Variants in NLRP5 observed in about 807,000 individuals in gnomAD.
NLRP5 encodes the protein NACHT, LRR and PYD domains-containing protein 5.
A neutral mutation model predicts 113.1 loss-of-function variants in NLRP5; 93 were observed. The observed-to-expected ratio is 0.82, with a 90% CI of 0.70 to 0.98. The LOEUF is 0.98. Among genes scored for constraint, NLRP5 ranks in the 50% least tolerant of loss-of-function variants. NLRP5 has a pLI of 0.00. For missense variants in NLRP5, 1,808 were observed against 1,514.3 expected, an observed-to-expected ratio of 1.19 and a Z score of -3.22; for synonymous variants, 751 against 600.7, an observed-to-expected ratio of 1.25 and a Z score of -3.66.
At chr19:56,050,700 G>A in intron 12 of NLRP5, 112 bp downstream of exon 12, 1 of 1,015,068 alleles carries the variant, frequency 9.9e-7, no homozygotes, top group Non-Finnish European at 1.4e-6. Flanking sequence ...TTCAGGGTGA[G>A]CTGACACTCA....
intron 12 of NLRP5, among the ~76,000 whole-genome samples, chr19:56,052,188 G>GC (rs1405152212): frequency 6.6e-6 from 1 of 152,008 alleles, no homozygotes; most frequent in East Asian, 1.9e-4. Flanking sequence ...TTTTTGCTTT[G>GC]CTTTGTTTTG....
chr19:56,038,087 C>A lies in NLRP5; in HGVS notation c.2678C>A (p.Ser893Tyr), dbSNP rs775635280. The change falls in exon 10 of 15, where the codon TCC becomes TAC. Residue 893 changes from serine (S) to tyrosine (Y), a missense_variant. Physicochemically the swap from Ser to Tyr is moderately radical, Grantham distance 144. Transcript: ENST00000390649. ...AAGATCTCCCAAATCCTTACGACCT[C>A]CCCCAGCCTGAAATCTCTGAGCCTG... 1 of 1,613,800 alleles carries A rather than the reference C, an allele frequency of 6.2e-7. No homozygotes were observed. The highest frequency in any genetic ancestry group is 1.3e-5 in the African/African-American group (1 of 74,926).
At chr19:56,043,539 A>ATTTTTT (rs1568498691) in intron 11 of NLRP5, among the ~76,000 whole-genome samples, 1 of 27,032 alleles carries the variant, frequency 3.7e-5, no homozygotes, top group South Asian at 1.1e-3. Flanking sequence ...TTACTCTGCT[A>ATTTTTT]TTCTTTTTTT....
intron 6 of NLRP5, among the ~76,000 whole-genome samples, chr19:56,021,547 A>G (rs1248819707): frequency 6.6e-6 from 1 of 152,182 alleles, no homozygotes; most frequent in Non-Finnish European, 1.5e-5. Flanking sequence ...CTCCGATTCC[A>G]GATCGGTCAT....
intron 13 of NLRP5, among the ~76,000 whole-genome samples, chr19:56,057,617 G>A (rs1392341457): frequency 1.3e-5 from 2 of 152,086 alleles, no homozygotes; most frequent in African/African-American, 4.8e-5. Flanking sequence ...ATGTTTCCTT[G>A]CTACAGGCAC....
chr19:56,060,421 A>G (rs1568506826), intron 14 of NLRP5, among the ~76,000 whole-genome samples: 1 of 152,216 alleles, frequency 6.6e-6, no homozygotes, highest in Non-Finnish European at 1.5e-5. Flanking sequence ...AAGCAAAACG[A>G]CATATAATGA....
At chr19:56,038,784 C>G (rs1983412344) in intron 10 of NLRP5, among the ~76,000 whole-genome samples, 1 of 152,176 alleles carries the variant, frequency 6.6e-6, no homozygotes, top group Admixed American at 6.5e-5. Flanking sequence ...CAGGGGGCAG[C>G]AGTTCTGCAC....
At chr19:56,016,327 A>G (rs748830208) in intron 4 of NLRP5, among the ~76,000 whole-genome samples, 13 of 151,844 alleles carry the variant, frequency 8.6e-5, no homozygotes, top group Non-Finnish European at 1.6e-4. Context: ...CTAATTTTGT[A>G]TTTTTAGTAG....
chr19:56,020,249 C>T, intron 5 of NLRP5, 126 bp from the exon 6 acceptor site: 4 of 1,082,318 alleles, frequency 3.7e-6, no homozygotes, highest in Non-Finnish European at 4.1e-6. Flanking sequence ...TCTAGTTGAG[C>T]CGGTGGTTGT....
At chr19:56,012,956 A>G (rs1373231311) in intron 3 of NLRP5, among the ~76,000 whole-genome samples, 1 of 152,130 alleles carries the variant, frequency 6.6e-6, no homozygotes, top group Admixed American at 6.6e-5. Context: ...AATACAATTC[A>G]GTGTTTTATT....
At chr19:56,026,830 C>T (rs1410186845) in intron 6 of NLRP5, 83 bp from the exon 7 acceptor site, 6 of 1,416,208 alleles carry the variant, frequency 4.2e-6, no homozygotes, top group Admixed American at 2.2e-5. Flanking sequence ...CCCATCTTGA[C>T]CTCCCACAGT....
Position 56,040,998 on chromosome 19 carries a change from C to G in NLRP5, c.2863C>G (p.His955Asp). 2 of 1,613,988 alleles carry G rather than the reference C, an allele frequency of 1.2e-6. No homozygotes were observed. The highest frequency in any genetic ancestry group is 2.2e-5 in the South Asian group (2 of 91,090). Residue 955 changes from histidine (H) to aspartate (D), a missense_variant, in exon 11 of 15, where the codon CAC becomes GAC. Physicochemically the swap from His to Asp is moderately conservative, Grantham distance 81. Transcript: ENST00000390649. ...CCTCGTCAGCAACCGGAGCTTGACA[C>G]ACCTGTGCCTATCCAACAACAGCCT...
chr19:56,056,360 C>G (rs1031529992), intron 13 of NLRP5, among the ~76,000 whole-genome samples: 1 of 152,006 alleles, frequency 6.6e-6, no homozygotes, highest in African/African-American at 2.4e-5. Context: ...GAGTTCGAGA[C>G]CAGTGTGCCA....
the NLRP5 span, among the ~76,000 whole-genome samples, chr19:55,993,839 TGAAA>T: frequency 6.6e-6 from 1 of 151,320 alleles, no homozygotes; most frequent in African/African-American, 2.4e-5. Flanking sequence ...TTTTGAAGGC[TGAAA>T]CATGTTCCCT....
intron 6 of NLRP5, among the ~76,000 whole-genome samples, chr19:56,023,083 G>A (rs1351313556): frequency 6.6e-6 from 1 of 152,166 alleles, no homozygotes; most frequent in Admixed American, 6.5e-5. Flanking sequence ...CCTTAAAGGG[G>A]CGAGTTAGAC....
intron 12 of NLRP5, among the ~76,000 whole-genome samples, chr19:56,051,254 A>G (rs1444574121): frequency 6.6e-6 from 1 of 152,090 alleles, no homozygotes; most frequent in Non-Finnish European, 1.5e-5. Flanking sequence ...GTGCAGTGGC[A>G]TGATCTCTGC....
intron 6 of NLRP5, among the ~76,000 whole-genome samples, chr19:56,023,095 C>T (rs1341111985): frequency 6.6e-6 from 1 of 152,166 alleles, no homozygotes; most frequent in African/African-American, 2.4e-5. Context: ...GAGTTAGACA[C>T]ACAAGTCTGG....
chr19:56,061,544 C>T lies in NLRP5; in HGVS notation c.*16C>T, dbSNP rs747088631. The stretch of plus-strand genomic sequence containing the variant: ...GAAAAACTGAAGATACGGAAACCTG[C>T]CCCACTCACACCCATCTGATGGAGG... On this transcript the variant is annotated 3_prime_UTR_variant, in exon 15 of 15. Coordinates refer to ENST00000390649, the MANE Select transcript of NLRP5 (RefSeq NM_153447.4). 1.9e-6 allele frequency: 3 copies of T among 1,613,758 alleles called. No individual in the cohort carries two copies. Among genetic ancestry groups the T allele is most frequent in the Non-Finnish European group, 2.5e-6 (3 of 1,179,714 alleles).
chr19:56,044,863 G>T (rs887213544), intron 11 of NLRP5, among the ~76,000 whole-genome samples: 1 of 152,164 alleles, frequency 6.6e-6, no homozygotes, highest in Non-Finnish European at 1.5e-5. Flanking sequence ...CCATTTGTTC[G>T]TGTCGTCTGT....
Sources: gnomAD v4.1 joint callset for allele counts (sites outside exome capture counted in the v4.1 genomes callset) on GRCh38, gnomAD v4.1.1 for gene constraint, MANE v1.5 for transcripts, NCBI Gene and HGNC (gene_info 2026-07-23, HGNC 2026-07-21) for gene names.